Variants in ADAMTS17 observed in about 807,000 individuals in gnomAD.
ADAMTS17 encodes the protein ADAM metallopeptidase with thrombospondin type 1 motif 17, also known as A disintegrin and metalloproteinase with thrombospondin motifs 17.
Under a neutral mutation model 141.5 loss-of-function variants are expected in ADAMTS17, and 113 were observed. That is an observed-to-expected ratio of 0.80 (90% CI 0.69 to 0.93). The LOEUF (loss-of-function observed/expected upper bound fraction) is 0.93, where lower values mean the gene tolerates loss of function less well. Ranked by LOEUF, ADAMTS17 falls within the 40% of genes least tolerant of loss-of-function variation. ADAMTS17 has a pLI of 0.00. For synonymous variants in ADAMTS17, 768 were observed against 630.6 expected, an observed-to-expected ratio of 1.22 and a Z score of -3.27; for missense variants, 1,659 against 1,517.9, an observed-to-expected ratio of 1.09 and a Z score of -1.54.
Position 100,044,943 on chromosome 15 carries a change from G to A in ADAMTS17, c.2591+3914C>T, listed in dbSNP as rs111804279. On this transcript the variant is annotated intron_variant, in intron 18 of 21. Coordinates refer to ENST00000268070, the MANE Select transcript of ADAMTS17 (RefSeq NM_139057.4). Reference sequence around the variant, plus strand: ...CTGCCTCAGCCTCCTGAGTAGTTGGGACTACAGGTGCACGCCACCATGCCT... The same window carrying A: ...CTGCCTCAGCCTCCTGAGTAGTTGGAACTACAGGTGCACGCCACCATGCCT... Among the ~76,000 whole-genome samples the A allele has an allele frequency of 2.0e-5, 3 of 152,082 alleles. 1 individual carries two copies. The highest frequency in any genetic ancestry group is 7.2e-5 in the African/African-American group (3 of 41,484).
intron 18 of ADAMTS17, among the ~76,000 whole-genome samples, chr15:100,009,208 G>A (rs571290820): frequency 7.2e-5 from 11 of 152,294 alleles, no homozygotes; most frequent in African/African-American, 2.6e-4. Context: ...AGAGGCATGA[G>A]ACCTGCTGGT....
chr15:100,211,773 G>A (rs1596289915), intron 7 of ADAMTS17, among the ~76,000 whole-genome samples: 1 of 151,974 alleles, frequency 6.6e-6, no homozygotes, highest in Non-Finnish European at 1.5e-5. Context: ...AGAGAAATGA[G>A]AAATAAAATC....
intron 18 of ADAMTS17, among the ~76,000 whole-genome samples, chr15:100,031,996 C>T (rs1033763823): frequency 2.0e-5 from 3 of 152,172 alleles, no homozygotes; most frequent in Admixed American, 6.5e-5. Flanking sequence ...ACAGGAATGA[C>T]GGAGGTGTCC....
chr15:100,193,174 C>G (rs146025075), intron 8 of ADAMTS17, among the ~76,000 whole-genome samples: 2 of 152,390 alleles, frequency 1.3e-5, no homozygotes, highest in Admixed American at 1.3e-4. Flanking sequence ...CCTGCCTCTT[C>G]TGGGTCCAGG....
chr15:100,259,478 TC>T (rs1336301822), intron 6 of ADAMTS17, among the ~76,000 whole-genome samples: 4 of 152,316 alleles, frequency 2.6e-5, no homozygotes, highest in African/African-American at 9.6e-5. Context: ...GCCTGAAGGC[TC>T]CCAGTGCTCA....
intron 18 of ADAMTS17, among the ~76,000 whole-genome samples, chr15:100,046,667 A>G (rs2031711327): frequency 6.6e-6 from 1 of 152,204 alleles, no homozygotes; most frequent in Non-Finnish European, 1.5e-5. Context: ...ATCTCTAAAC[A>G]TAAATTGTGA....
intron 8 of ADAMTS17, among the ~76,000 whole-genome samples, chr15:100,193,585 C>G (rs2041000337): frequency 6.6e-6 from 1 of 152,194 alleles, no homozygotes; most frequent in Admixed American, 6.5e-5. Flanking sequence ...TGCGGAATCT[C>G]CTGGAGAGCT....
chr15:100,314,528 A>G (rs140886666), intron 3 of ADAMTS17, among the ~76,000 whole-genome samples: 188 of 152,352 alleles, frequency 1.2e-3, no homozygotes, highest in African/African-American at 4.4e-3. Flanking sequence ...ATAAAGAGAG[A>G]AAAATGCTCA....
chr15:100,078,201 TA>T (rs1383465494), intron 15 of ADAMTS17, among the ~76,000 whole-genome samples: 2 of 146,464 alleles, frequency 1.4e-5, no homozygotes, highest in Non-Finnish European at 1.5e-5. Flanking sequence ...GTAATCCCTA[TA>T]AAAAAATCCC....
chr15:99,979,388 CA>C (rs66540461), intron 20 of ADAMTS17: 3,240 of 142,938 alleles, frequency 0.023, 116 homozygotes, highest in African/African-American at 0.074. Flanking sequence ...GACTCCATCT[CA>C]AAAAAAAAAA....
At chr15:99,983,472 C>G (rs992872981) in intron 20 of ADAMTS17, among the ~76,000 whole-genome samples, 1 of 152,182 alleles carries the variant, frequency 6.6e-6, no homozygotes, top group Admixed American at 6.5e-5. Flanking sequence ...ACATCCTTCC[C>G]CACAGCGGGA....
At chr15:100,300,209 G>A (rs533501373) in intron 3 of ADAMTS17, among the ~76,000 whole-genome samples, 1 of 152,184 alleles carries the variant, frequency 6.6e-6, no homozygotes, top group African/African-American at 2.4e-5. Flanking sequence ...GAGTGTCACA[G>A]AAGCCCCAGA....
At chr15:100,027,692 C>T (rs2061542535) in intron 18 of ADAMTS17, among the ~76,000 whole-genome samples, 1 of 152,188 alleles carries the variant, frequency 6.6e-6, no homozygotes, top group African/African-American at 2.4e-5. Flanking sequence ...TTGCTGATTC[C>T]TGCTCCGGTA....
chr15:100,087,711 C>T (rs985842487), intron 15 of ADAMTS17, among the ~76,000 whole-genome samples: 20 of 152,130 alleles, frequency 1.3e-4, no homozygotes, highest in Non-Finnish European at 2.4e-4. Context: ...CGTAATCCAG[C>T]ATATAAACAG....
intron 5 of ADAMTS17, among the ~76,000 whole-genome samples, chr15:100,261,892 C>T (rs950483507): frequency 1.3e-4 from 20 of 152,300 alleles, no homozygotes; most frequent in African/African-American, 4.6e-4. Flanking sequence ...GCAAACAGAA[C>T]AGTATCCCAA....
intron 15 of ADAMTS17, among the ~76,000 whole-genome samples, chr15:100,083,981 G>A (rs143862948): frequency 1.1e-3 from 174 of 152,136 alleles, no homozygotes; most frequent in African/African-American, 4.1e-3. Context: ...ACTGGGGAGT[G>A]CTGGACAGTG....
At chr15:100,046,956 A>G (rs2141566233) in intron 18 of ADAMTS17, among the ~76,000 whole-genome samples, 1 of 152,338 alleles carries the variant, frequency 6.6e-6, no homozygotes, top group East Asian at 1.9e-4. Context: ...AGCCAGGCAG[A>G]ACAGAGCCAT....
intron 7 of ADAMTS17, among the ~76,000 whole-genome samples, chr15:100,208,735 T>C (rs534681176): frequency 6.8e-6 from 1 of 146,240 alleles, no homozygotes; most frequent in Non-Finnish European, 1.5e-5. Context: ...AACAAAGGGA[T>C]ACACACATGC....
intron 8 of ADAMTS17, among the ~76,000 whole-genome samples, chr15:100,174,304 T>TA (rs1163763187): frequency 1.3e-5 from 2 of 152,084 alleles, no homozygotes; most frequent in African/African-American, 4.8e-5. Context: ...ACAACTAAAA[T>TA]ACAAGGCCCC....
Sources: gnomAD v4.1 joint callset for allele counts (sites outside exome capture counted in the v4.1 genomes callset) on GRCh38, gnomAD v4.1.1 for gene constraint, MANE v1.5 for transcripts, NCBI Gene and HGNC (gene_info 2026-07-23, HGNC 2026-07-21) for gene names.